Variants in HDAC9 observed in about 807,000 individuals in gnomAD.
HDAC9 encodes the protein histone deacetylase 9.
Under a neutral mutation model 139.4 loss-of-function variants are expected in HDAC9, and 41 were observed. That is an observed-to-expected ratio of 0.29 (90% CI 0.23 to 0.38). The LOEUF (loss-of-function observed/expected upper bound fraction) is 0.38. Ranked by LOEUF, HDAC9 falls within the 10% of genes least tolerant of loss-of-function variation. The probability of loss-of-function intolerance (pLI) is 1.00; values close to 1 mark genes in which losing one functional copy is unlikely to be tolerated. For missense variants in HDAC9, 1,147 were observed against 1,297.0 expected, an observed-to-expected ratio of 0.88 and a Z score of 1.78; for synonymous variants, 517 against 476.2, an observed-to-expected ratio of 1.09 and a Z score of -1.12.
intron 6 of HDAC9, among the ~76,000 whole-genome samples, chr7:18,605,560 C>G (rs1309504481): frequency 6.6e-6 from 1 of 152,184 alleles, no homozygotes; most frequent in Non-Finnish European, 1.5e-5. Context: ...TACTCCCTAC[C>G]TTCACTTAAA....
intron 24 of HDAC9, among the ~76,000 whole-genome samples, chr7:18,968,504 T>C (rs1784031524): frequency 6.6e-6 from 1 of 152,146 alleles, no homozygotes; most frequent in Non-Finnish European, 1.5e-5. Flanking sequence ...AACACTGTCT[T>C]TCTTTCAGAC....
intron 17 of HDAC9, among the ~76,000 whole-genome samples, chr7:18,803,470 C>A (rs2440598): frequency 0.24 from 36,982 of 151,912 alleles, 4,922 homozygotes; most frequent in African/African-American, 0.34. Context: ...GACATTTTTT[C>A]GGATTTTCCT....
rs545346427 is a variant in HDAC9 at position 18,355,382 on chromosome 7, G to A, written c.-42+64867G>A. Among the ~76,000 whole-genome samples the A allele has an allele frequency of 9.9e-5, 15 of 152,108 alleles. No homozygotes were observed. The South Asian group carries it at 3.1e-3, about 32-fold the overall frequency. ...TCAACATAGGCTCTTTATACTACCA[G>A]AACTAGCATGTTCTTCAGATATTCA... On this transcript the variant is annotated intron_variant, in intron 1 of 3. Transcript: ENST00000413509.
chr7:18,746,191 A>G (rs1366258987), intron 13 of HDAC9, among the ~76,000 whole-genome samples: 1 of 152,180 alleles, frequency 6.6e-6, no homozygotes, highest in Admixed American at 6.5e-5. Context: ...TTTCAAAATG[A>G]GGTGGATGTT....
At chr7:18,109,977 C>T (rs1437008549) in intron 1 of HDAC9, among the ~76,000 whole-genome samples, 1 of 152,170 alleles carries the variant, frequency 6.6e-6, no homozygotes, top group Non-Finnish European at 1.5e-5. Flanking sequence ...ATGATTTCTC[C>T]CAGGCCTCAG....
At chr7:18,667,846 A>G (rs908847948) in intron 12 of HDAC9, 58 of 984,000 alleles carry the variant, frequency 5.9e-5, no homozygotes, top group Non-Finnish European at 6.8e-5. Context: ...TTCCCTTTTG[A>G]TATGTTTACC....
intron 1 of HDAC9, among the ~76,000 whole-genome samples, chr7:18,345,025 C>G (rs1192155134): frequency 6.6e-6 from 1 of 151,934 alleles, no homozygotes; most frequent in Non-Finnish European, 1.5e-5. Context: ...CTCACGGCCT[C>G]ACATCTTAAT....
intron 11 of HDAC9, among the ~76,000 whole-genome samples, chr7:18,655,418 C>T (rs934397094): frequency 1.3e-5 from 2 of 152,058 alleles, no homozygotes; most frequent in Admixed American, 6.6e-5. Flanking sequence ...ACCCTTAAAT[C>T]GATGTTATTC....
intron 1 of HDAC9, among the ~76,000 whole-genome samples, chr7:18,352,970 T>C (rs1361008694): frequency 1.3e-5 from 2 of 152,114 alleles, no homozygotes; most frequent in Non-Finnish European, 2.9e-5. Context: ...ATCAGCAAAA[T>C]ATTTTGAGAA....
chr7:18,292,475 G>A (rs1249215652), intron 1 of HDAC9, among the ~76,000 whole-genome samples: 1 of 152,104 alleles, frequency 6.6e-6, no homozygotes, highest in African/African-American at 2.4e-5. Context: ...TCTAGTAATA[G>A]TTTTCCCACA....
At chr7:18,098,230 C>G (rs926720115) in intron 1 of HDAC9, among the ~76,000 whole-genome samples, 2 of 152,178 alleles carry the variant, frequency 1.3e-5, no homozygotes, top group African/African-American at 4.8e-5. Context: ...TGGCTGAGAT[C>G]TTTATGCAAT....
chr7:18,712,460 A>G (rs1784416010), intron 12 of HDAC9, among the ~76,000 whole-genome samples: 1 of 152,220 alleles, frequency 6.6e-6, no homozygotes, highest in Admixed American at 6.5e-5. Flanking sequence ...TTCAGTGTCA[A>G]TTTATAAATA....
intron 12 of HDAC9, among the ~76,000 whole-genome samples, chr7:18,670,558 A>C (rs1268556201): frequency 1.3e-5 from 2 of 152,112 alleles, no homozygotes; most frequent in African/African-American, 4.8e-5. Context: ...TCCTCACAAT[A>C]ACCTGATGAA....
intron 21 of HDAC9, among the ~76,000 whole-genome samples, chr7:18,863,157 C>T (rs1798239754): frequency 6.6e-6 from 1 of 152,142 alleles, no homozygotes; most frequent in African/African-American, 2.4e-5. Context: ...TGGCCTTTCA[C>T]TAAAAGAGGG....
intron 22 of HDAC9, among the ~76,000 whole-genome samples, chr7:18,918,782 C>A (rs1035031095): frequency 5.3e-5 from 8 of 151,972 alleles, no homozygotes; most frequent in African/African-American, 1.9e-4. Flanking sequence ...ATCCAAAGAA[C>A]CTGCTTTTCC....
chr7:18,738,670 T>C (rs974679703), intron 13 of HDAC9, among the ~76,000 whole-genome samples: 3 of 152,204 alleles, frequency 2.0e-5, no homozygotes, highest in Non-Finnish European at 4.4e-5. Context: ...TAACCCGACC[T>C]TTGTGTCTGG....
intron 11 of HDAC9, among the ~76,000 whole-genome samples, chr7:18,654,381 C>A (rs558894855): frequency 6.6e-6 from 1 of 152,222 alleles, no homozygotes; most frequent in Admixed American, 6.5e-5. Flanking sequence ...AGGGTAGGGT[C>A]ATTTAAAAAC....
chr7:18,184,141 G>T (rs2128143381), intron 2 of HDAC9, among the ~76,000 whole-genome samples: 1 of 152,284 alleles, frequency 6.6e-6, no homozygotes, highest in South Asian at 2.1e-4. Context: ...GCTCATGCCT[G>T]TAATCCTAGC....
intron 2 of HDAC9, among the ~76,000 whole-genome samples, chr7:18,280,587 C>CAA (rs11310764): frequency 1.4e-5 from 2 of 139,514 alleles, no homozygotes; most frequent in East Asian, 2.1e-4. Flanking sequence ...GACTCTGTCT[C>CAA]AAAAAAAAAA....
Sources: allele counts gnomAD v4.1 joint callset (sites outside exome capture counted in the v4.1 genomes callset), GRCh38; gene constraint gnomAD v4.1.1; transcripts MANE v1.5; gene names NCBI Gene and HGNC (gene_info 2026-07-23, HGNC 2026-07-21).